The following ADAMTS12 variants were observed in gnomAD, a reference collection of about 807,000 sequenced individuals.
ADAMTS12 encodes ADAM metallopeptidase with thrombospondin type 1 motif 12.
In ADAMTS12, 118 loss-of-function variants were observed where a neutral mutation model predicts 167.8. That is an observed-to-expected ratio of 0.70 (90% CI 0.61 to 0.82). The LOEUF (loss-of-function observed/expected upper bound fraction) is 0.82. Ranked by LOEUF, ADAMTS12 falls within the 40% of genes least tolerant of loss-of-function variation. The probability of loss-of-function intolerance (pLI) is 0.00; values close to 1 mark genes in which losing one functional copy is unlikely to be tolerated. For synonymous variants in ADAMTS12, 704 were observed against 716.9 expected (o/e 0.98, Z 0.29); for missense variants, 1,916 against 1,998.8 (o/e 0.96, Z 0.79).
At chr5:33,834,223 A>G (rs1748420335) in intron 2 of ADAMTS12, among the ~76,000 whole-genome samples, 1 of 148,346 alleles carries the variant, frequency 6.7e-6, no homozygotes, top group South Asian at 2.1e-4. Flanking sequence ...ATATGGTTCT[A>G]TTCTGAGGTA....
At chr5:33,813,848 T>C (rs557023723) in intron 2 of ADAMTS12, among the ~76,000 whole-genome samples, 1 of 152,348 alleles carries the variant, frequency 6.6e-6, no homozygotes, top group East Asian at 1.9e-4. Context: ...CCCCCTGAGC[T>C]CTGCCCAAAT....
chr5:33,857,595 A>G (rs1013708316), intron 2 of ADAMTS12, among the ~76,000 whole-genome samples: 3 of 150,830 alleles, frequency 2.0e-5, no homozygotes, highest in Admixed American at 6.6e-5. Flanking sequence ...TGGAAAAGAA[A>G]AAAAACTGAA....
At chr5:33,869,267 G>A (rs1047233247) in intron 2 of ADAMTS12, among the ~76,000 whole-genome samples, 8 of 152,194 alleles carry the variant, frequency 5.3e-5, no homozygotes, top group Admixed American at 2.6e-4. Flanking sequence ...GATGCAAGCT[G>A]TAAGCCTCAG....
chr5:33,565,221 AT>A, intron 19 of ADAMTS12, among the ~76,000 whole-genome samples: 1 of 152,278 alleles, frequency 6.6e-6, no homozygotes, highest in African/African-American at 2.4e-5. Context: ...AGTGGCTCAA[AT>A]TTGGCTCACT....
chr5:33,600,529 T>C (rs2113044), intron 16 of ADAMTS12, among the ~76,000 whole-genome samples: 76,296 of 151,800 alleles, frequency 0.5, 19,483 homozygotes, highest in South Asian at 0.62. Flanking sequence ...AGTGAAGACA[T>C]AGCTTATTGT....
chr5:33,714,831 T>C (rs1743541836), intron 3 of ADAMTS12, among the ~76,000 whole-genome samples: 1 of 151,988 alleles, frequency 6.6e-6, no homozygotes, highest in South Asian at 2.1e-4. Flanking sequence ...AGAAGTTGGT[T>C]AATGGGTACA....
chr5:33,763,357 G>A lies in ADAMTS12; in HGVS notation c.490-11809C>T, dbSNP rs76222498. The stretch of plus-strand genomic sequence containing the variant: ...GAAGTGACAGGGGCAAGAGGCTGGA[G>A]TGATGTGATGAAGGAGCCAGGAGCC... On this transcript the variant is annotated intron_variant, in intron 2 of 23. Transcript: ENST00000504830. 2.6e-5 allele frequency among the ~76,000 whole-genome samples: 4 copies of A among 152,188 alleles called. No homozygotes were observed. In the East Asian group the frequency reaches 7.7e-4, roughly 29 times the overall value.
At chr5:33,783,813 T>G (rs1437701011) in intron 2 of ADAMTS12, among the ~76,000 whole-genome samples, 1 of 151,892 alleles carries the variant, frequency 6.6e-6, no homozygotes, top group East Asian at 1.9e-4. Flanking sequence ...CTACACAAAC[T>G]CTTCCCAAAA....
At chr5:33,783,196 T>C (rs1477393702) in intron 2 of ADAMTS12, among the ~76,000 whole-genome samples, 1 of 151,794 alleles carries the variant, frequency 6.6e-6, no homozygotes, top group African/African-American at 2.4e-5. Flanking sequence ...CTACAAAAAA[T>C]ACTGAATTAC....
chr5:33,874,250 A>G (rs1173326529), intron 2 of ADAMTS12, among the ~76,000 whole-genome samples: 1 of 152,248 alleles, frequency 6.6e-6, no homozygotes, highest in African/African-American at 2.4e-5. Flanking sequence ...CAACCTGATT[A>G]AAAACTAGAA....
At chr5:33,630,241 G>A (rs1227156971) in intron 13 of ADAMTS12, among the ~76,000 whole-genome samples, 2 of 152,098 alleles carry the variant, frequency 1.3e-5, no homozygotes, top group Non-Finnish European at 2.9e-5. Flanking sequence ...TTCTTTAATG[G>A]TTACACACTT....
chr5:33,839,627 G>T (rs747630326), intron 2 of ADAMTS12, among the ~76,000 whole-genome samples: 21 of 152,088 alleles, frequency 1.4e-4, no homozygotes, highest in Non-Finnish European at 2.8e-4. Context: ...GTCCTTTCTT[G>T]GTTTCCACCA....
chr5:33,599,234 A>T (rs1738063244), intron 16 of ADAMTS12, among the ~76,000 whole-genome samples: 1 of 152,182 alleles, frequency 6.6e-6, no homozygotes, highest in African/African-American at 2.4e-5. Context: ...TACTACACTA[A>T]TTTAAGGGTG....
intron 2 of ADAMTS12, among the ~76,000 whole-genome samples, chr5:33,757,140 G>T (rs1745197363): frequency 6.6e-6 from 1 of 152,092 alleles, no homozygotes; most frequent in South Asian, 2.1e-4. Context: ...TGTCATCAGG[G>T]CCAATTTAAG....
chr5:33,805,450 C>T (rs907158279), intron 2 of ADAMTS12, among the ~76,000 whole-genome samples: 1 of 152,156 alleles, frequency 6.6e-6, no homozygotes, highest in African/African-American at 2.4e-5. Context: ...GGCTCAAGGT[C>T]TGTATAGGGC....
At chr5:33,849,568 C>CACAT (rs1271124239) in intron 2 of ADAMTS12, among the ~76,000 whole-genome samples, 1 of 123,098 alleles carries the variant, frequency 8.1e-6, no homozygotes, top group African/African-American at 3.2e-5. Context: ...TAGCAATACA[C>CACAT]ATGTGTATTG....
chr5:33,577,552 A>C (rs1195194877), intron 18 of ADAMTS12, among the ~76,000 whole-genome samples: 1 of 152,192 alleles, frequency 6.6e-6, no homozygotes, highest in Admixed American at 6.5e-5. Context: ...TTAATGTATA[A>C]TGTGTGCATA....
At chr5:33,686,121 T>C (rs931215919) in intron 3 of ADAMTS12, among the ~76,000 whole-genome samples, 3 of 152,214 alleles carry the variant, frequency 2.0e-5, no homozygotes, top group African/African-American at 7.2e-5. Flanking sequence ...GGCTGCTCCA[T>C]GCCGCCCTGA....
intron 3 of ADAMTS12, among the ~76,000 whole-genome samples, chr5:33,741,190 T>C (rs1744563868): frequency 1.3e-5 from 2 of 152,212 alleles, no homozygotes; most frequent in Admixed American, 1.3e-4. Flanking sequence ...GTGGATGCTG[T>C]GTTCATCTGC....
Sources: allele counts gnomAD v4.1 joint callset (sites outside exome capture counted in the v4.1 genomes callset), GRCh38; gene constraint gnomAD v4.1.1; transcripts MANE v1.5; gene names NCBI Gene and HGNC (gene_info 2026-07-23, HGNC 2026-07-21).